RPTOR: variants seen among roughly 807,000 people sequenced by gnomAD.
The protein encoded by RPTOR is regulatory-associated protein of mTOR.
Under a neutral mutation model 169.9 loss-of-function variants are expected in RPTOR, and 21 were observed. The observed-to-expected ratio is 0.12, with a 90% CI of 0.09 to 0.18. The LOEUF is 0.18. RPTOR is among the 10% of genes least tolerant of loss of function. The pLI is 1.00. For missense variants in RPTOR, 1,133 were observed against 1,855.9 expected (o/e 0.61, Z 7.16); for synonymous variants, 732 against 753.2 (o/e 0.97, Z 0.46).
chr17:80,918,759 G>A (rs1208447960), intron 21 of RPTOR, among the ~76,000 whole-genome samples: 1 of 152,180 alleles, frequency 6.6e-6, no homozygotes, highest in African/African-American at 2.4e-5. Flanking sequence ...GGTAAGAAAG[G>A]CAGAGCCCCG....
intron 5 of RPTOR, among the ~76,000 whole-genome samples, chr17:80,744,481 GCACAGCCCTGGCTACT>G (rs2066541450): frequency 9.5e-6 from 1 of 104,814 alleles, no homozygotes; most frequent in Non-Finnish European, 2.0e-5. Flanking sequence ...CTGGTTACTA[GCACAGCCCTGGCTACT>G]AGCACTGTCC....
intron 21 of RPTOR, among the ~76,000 whole-genome samples, chr17:80,921,039 A>G (rs945600132): frequency 1.3e-5 from 2 of 152,300 alleles, no homozygotes; most frequent in African/African-American, 4.8e-5. Context: ...TTTTCTTGCT[A>G]TTTGCGTTTT....
intron 12 of RPTOR, among the ~76,000 whole-genome samples, chr17:80,856,261 C>T (rs902368546): frequency 3.9e-5 from 6 of 152,100 alleles, no homozygotes; most frequent in South Asian, 2.1e-4. Context: ...AATCATTGTT[C>T]GTTTTTCTTG....
intron 3 of RPTOR, among the ~76,000 whole-genome samples, chr17:80,649,815 T>TCCACGTG (rs1435218971): frequency 6.6e-6 from 1 of 152,224 alleles, no homozygotes; most frequent in African/African-American, 2.4e-5. Flanking sequence ...TGAAAGCTTT[T>TCCACGTG]CCACGTGCGT....
At chr17:80,890,892 A>C (rs2068314010) in intron 17 of RPTOR, among the ~76,000 whole-genome samples, 1 of 152,134 alleles carries the variant, frequency 6.6e-6, no homozygotes, top group East Asian at 1.9e-4. Context: ...GAGCCTGCTC[A>C]TCCAGCCGCT....
At chr17:80,602,690 A>T in intron 1 of RPTOR, 1 of 737,138 alleles carries the variant, frequency 1.4e-6, no homozygotes, top group Non-Finnish European at 2.5e-6. Context: ...GGTAGGGGAC[A>T]TTCCTTATTC....
At chr17:80,785,518 A>T (rs2143472845) in intron 6 of RPTOR, among the ~76,000 whole-genome samples, 1 of 152,318 alleles carries the variant, frequency 6.6e-6, no homozygotes, top group Non-Finnish European at 1.5e-5. Context: ...GGGAGCTGGC[A>T]GGTTCCCGAC....
At position 80,625,715 on chromosome 17, in the gene RPTOR, G is replaced by A; in HGVS notation, c.187G>A (p.Val63Ile). ...GATGAAGACAGTCAGTGTTGCCTTA[G>A]TTTTGTGCCTGAATGTTGGTGTGGA... ...DRMKTVSVALVLCLNVGVDPP... is the reference protein window; with the variant it reads ...DRMKTVSVALILCLNVGVDPP... The change falls in exon 2 of 34, where the codon GTT becomes ATT. Residue 63 changes from valine to isoleucine, a missense_variant. Physicochemically the swap from Val to Ile is conservative, Grantham distance 29 (BLOSUM62 3). This residue lies in a region of RPTOR where 4 missense variants were observed against 30.6 expected (regional missense o/e 0.13). Coordinates refer to ENST00000306801, the MANE Select transcript of RPTOR (RefSeq NM_020761.3). 6.2e-7 allele frequency: 1 copy of A among 1,613,032 alleles called. No homozygotes were observed. Among genetic ancestry groups the A allele is most frequent in the Non-Finnish European group, 8.5e-7 (1 of 1,179,224 alleles).
At chr17:80,833,011 G>A (rs1023623358) in intron 9 of RPTOR, among the ~76,000 whole-genome samples, 24 of 152,200 alleles carry the variant, frequency 1.6e-4, no homozygotes, top group Non-Finnish European at 3.4e-4. Context: ...AATGTTTGAT[G>A]CAAAGTCACC....
intron 1 of RPTOR, among the ~76,000 whole-genome samples, chr17:80,605,315 G>A (rs2065220695): frequency 6.6e-6 from 1 of 152,142 alleles, no homozygotes; most frequent in African/African-American, 2.4e-5. Flanking sequence ...ACTGGGAGAG[G>A]GGCTTTGTGA....
Position 80,545,782 on chromosome 17 carries a change from G to T in RPTOR, c.153G>T (p.Met51Ile). The T allele has an allele frequency of 6.2e-7, 1 of 1,609,624 alleles. No homozygotes were observed. The highest frequency in any genetic ancestry group is 8.5e-7 in the Non-Finnish European group (1 of 1,177,786). ...AATCCTTAGCTCAGAGCTGGAGGAT[G>T]AAGGATCGGGTAAGTGGATTCTGAA... ...GSKSLAQSWR[M>I]KDRMKTVSVA... Residue 51 changes from methionine (M) to isoleucine (I), a missense_variant, in exon 1 of 34, where the codon ATG (methionine) becomes ATT (isoleucine). Around this residue, in one of 9 missense-constraint regions of RPTOR, gnomAD observed 47 missense variants for 59.5 expected, o/e 0.79. Transcript: ENST00000306801.
intron 4 of RPTOR, among the ~76,000 whole-genome samples, chr17:80,710,567 T>TTGTGTG (rs1249250528): frequency 0.012 from 1,311 of 110,622 alleles, 15 homozygotes; most frequent in African/African-American, 0.035. Flanking sequence ...CCTTGGTTAT[T>TTGTGTG]TGTATGTGTG....
intron 13 of RPTOR, among the ~76,000 whole-genome samples, chr17:80,858,792 G>C (rs1159686991): frequency 2.0e-5 from 3 of 152,250 alleles, no homozygotes; most frequent in African/African-American, 4.8e-5. Flanking sequence ...GCCACTCCCT[G>C]TGGCTGTGTG....
At chr17:80,815,134 G>A (rs1021559223) in intron 7 of RPTOR, among the ~76,000 whole-genome samples, 7 of 152,226 alleles carry the variant, frequency 4.6e-5, no homozygotes, top group African/African-American at 9.6e-5. Context: ...CATGGCAGCC[G>A]CGTGACTGTG....
chr17:80,728,259 C>T (rs937000599), intron 4 of RPTOR, among the ~76,000 whole-genome samples: 4 of 152,158 alleles, frequency 2.6e-5, no homozygotes, highest in African/African-American at 7.2e-5. Context: ...TACTGTGTAC[C>T]TCCTTTCTTC....
rs1005454783 is a variant in RPTOR, at chr17:80,861,766, A to G, written c.1509+3866A>G. 7.9e-5 allele frequency among the ~76,000 whole-genome samples: 12 copies of G among 152,192 alleles called. No homozygotes were observed. The highest frequency in any genetic ancestry group is 2.9e-4 in the African/African-American group (12 of 41,452). ...AGTGCTGCAGGAACGTGTCTAAGCCAACTTTGATTCTCAGACTTCGTGTTT... is the reference window on the plus strand; with the variant it reads ...AGTGCTGCAGGAACGTGTCTAAGCCGACTTTGATTCTCAGACTTCGTGTTT... On this transcript the variant is annotated intron_variant, in intron 13 of 33. Transcript: ENST00000306801. The surrounding 1 kb of genome is among the most constrained non-coding windows in gnomAD (Gnocchi z 4.5).
At chr17:80,616,596 C>G (rs542430012) in intron 1 of RPTOR, among the ~76,000 whole-genome samples, 287 of 152,280 alleles carry the variant, frequency 1.9e-3, no homozygotes, top group African/African-American at 6.7e-3. Context: ...CGCACCCGGC[C>G]TGAAAGTTGA....
At chr17:80,724,453 G>A (rs1208933412) in intron 4 of RPTOR, among the ~76,000 whole-genome samples, 2 of 147,850 alleles carry the variant, frequency 1.4e-5, no homozygotes, top group Admixed American at 6.6e-5. Flanking sequence ...AAGTAGGATG[G>A]TATCTTTGCA....
rs578057155 is a variant in RPTOR at position 80,587,813 on chromosome 17, T to C, written c.163-37878T>C. 3.3e-5 allele frequency among the ~76,000 whole-genome samples: 5 copies of C among 152,226 alleles called. No homozygotes were observed. The South Asian group carries it at 1.0e-3, about 32-fold the overall frequency. On this transcript the variant is annotated intron_variant, in intron 1 of 33. Coordinates refer to ENST00000306801, the MANE Select transcript of RPTOR (RefSeq NM_020761.3). ...GTGGTGAGACCATTTGCAATCTCTT[T>C]GCAATTTTAAAATATATAGTGTTAT...
Sources: gnomAD v4.1 joint callset for allele counts (sites outside exome capture counted in the v4.1 genomes callset) on GRCh38, gnomAD v4.1.1 for gene constraint, gnomAD v4.1.1 regional missense constraint, Gnocchi (gnomAD v3.1) non-coding constraint, MANE v1.5 for transcripts, NCBI Gene and HGNC (gene_info 2026-07-23, HGNC 2026-07-21) for gene names.